Variants in ABCA13 observed in about 807,000 individuals in gnomAD.
The protein encoded by ABCA13 is ATP-binding cassette sub-family A member 13.
In ABCA13, 476 loss-of-function variants were observed where a neutral mutation model predicts 478.7. The ratio of observed to expected loss-of-function variants is 0.99; its 90% CI spans 0.92 to 1.07. The LOEUF is 1.07. ABCA13 is among the 50% of genes least tolerant of loss of function. The probability of loss-of-function intolerance (pLI) is 0.00; values close to 1 mark genes in which losing one functional copy is unlikely to be tolerated. For synonymous variants in ABCA13, 2,252 were observed against 2,158.9 expected, an observed-to-expected ratio of 1.04 and a Z score of -1.20; for missense variants, 6,060 against 5,910.6, an observed-to-expected ratio of 1.03 and a Z score of -0.83.
intron 59 of ABCA13, among the ~76,000 whole-genome samples, chr7:48,616,231 G>A (rs1355000437): frequency 6.6e-6 from 1 of 152,140 alleles, no homozygotes; most frequent in Non-Finnish European, 1.5e-5. Flanking sequence ...CTGATGCTCA[G>A]GATTGAGATG....
intron 19 of ABCA13, among the ~76,000 whole-genome samples, chr7:48,284,470 C>T (rs1316047584): frequency 2.6e-5 from 4 of 152,144 alleles, no homozygotes; most frequent in African/African-American, 9.7e-5. Flanking sequence ...ATGATTTCAG[C>T]ATTTGGAAGT....
intron 29 of ABCA13, among the ~76,000 whole-genome samples, chr7:48,349,146 G>A (rs1409197886): frequency 6.6e-6 from 1 of 152,214 alleles, no homozygotes. Context: ...GCACAAGACT[G>A]ACACTCATAC....
rs745930529 is a variant in ABCA13, at chr7:48,298,806, G to A, written c.9321+319G>A. 4.6e-5 allele frequency among the ~76,000 whole-genome samples: 7 copies of A among 152,260 alleles called. No individual in the cohort carries two copies. In the East Asian group the frequency reaches 1.2e-3, roughly 25 times the overall value. On this transcript the variant is annotated intron_variant, in intron 23 of 61. Transcript: ENST00000435803. ...ATGCATGACACCTGGGAAGGGTCTC[G>A]GCTTGATTCAGCAGGTGTTGCAAAA... is the stretch of plus-strand genomic sequence containing the variant.
At chr7:48,192,870 G>C in intron 1 of ABCA13, 89 bp from the exon 2 acceptor site, 2 of 978,624 alleles carry the variant, frequency 2.0e-6, no homozygotes, top group Admixed American at 5.4e-5. Flanking sequence ...ACACACAGCA[G>C]GGATTAAAAT....
At position 48,392,015 on chromosome 7, in the gene ABCA13, C is replaced by G. The variant is rs777198809; in HGVS notation, c.11749C>G (p.Leu3917Val). The G allele has an allele frequency of 1.1e-5, 17 of 1,613,896 alleles. No individual in the cohort carries two copies. Among genetic ancestry groups the G allele is most frequent in the Middle Eastern group, 1.6e-4 (1 of 6,084 alleles). Residue 3917 changes from leucine to valine, a missense_variant, in exon 38 of 62, where the codon CTT (leucine) becomes GTT (valine). Leu to Val is a conservative substitution (Grantham distance 32). Coordinates refer to ENST00000435803, the MANE Select transcript of ABCA13 (RefSeq NM_152701.5). ...QTDLSRVRME[L>V]GVCPQQDILL... ...AGACCTGTCGAGGGTCAGAATGGAG[C>G]TTGGTGTGTGTCCGCAGCAGGACAT...
chr7:48,415,641 G>C (rs1238315918), intron 41 of ABCA13, among the ~76,000 whole-genome samples: 1 of 152,168 alleles, frequency 6.6e-6, no homozygotes, highest in Non-Finnish European at 1.5e-5. Context: ...GTTAACAAAA[G>C]AGAAATCCTT....
At chr7:48,258,370 T>G (rs1793699480) in intron 15 of ABCA13, among the ~76,000 whole-genome samples, 1 of 152,200 alleles carries the variant, frequency 6.6e-6, no homozygotes, top group East Asian at 1.9e-4. Flanking sequence ...TTTGTCTGCA[T>G]AGAGGTGTTT....
chr7:48,245,475 C>A, intron 11 of ABCA13, 37 bp from the exon 12 acceptor site: 1 of 1,540,692 alleles, frequency 6.5e-7, no homozygotes, highest in South Asian at 1.2e-5. Context: ...AGCTTACTTA[C>A]CTTAGGTGAA....
chr7:48,628,274 T>C (rs1793851816), intron 59 of ABCA13, among the ~76,000 whole-genome samples: 3 of 152,178 alleles, frequency 2.0e-5, no homozygotes, highest in African/African-American at 7.2e-5. Context: ...TTTTCCAGCT[T>C]TCCCTACAGC....
Position 48,607,039 on chromosome 7 carries a change from A to T in ABCA13, c.14745-8246A>T, listed in dbSNP as rs904591351. ...ACCGCGTACTGAAGCCTCAGCAAGG[A>T]CGGATGCCCCTCTCCCAACCAAGCT... On this transcript the variant is annotated intron_variant, in intron 58 of 61. Coordinates refer to ENST00000435803, the MANE Select transcript of ABCA13 (RefSeq NM_152701.5). 2.0e-5 allele frequency among the ~76,000 whole-genome samples: 3 copies of T among 152,160 alleles called. No homozygotes were observed. In the East Asian group the frequency reaches 5.8e-4, roughly 29 times the overall value.
intron 27 of ABCA13, among the ~76,000 whole-genome samples, chr7:48,321,602 A>G (rs1563046958): frequency 6.6e-6 from 1 of 152,198 alleles, no homozygotes; most frequent in Non-Finnish European, 1.5e-5. Flanking sequence ...CATGGAGTAG[A>G]AGGGAGCCAG....
intron 29 of ABCA13, among the ~76,000 whole-genome samples, chr7:48,345,110 C>T (rs1297005988): frequency 6.6e-6 from 1 of 152,192 alleles, no homozygotes; most frequent in Admixed American, 6.5e-5. Context: ...TAGCTGTCAG[C>T]ACATTGTAGA....
At chr7:48,193,772 TA>T (rs1797448634) in intron 2 of ABCA13, among the ~76,000 whole-genome samples, 1 of 144,768 alleles carries the variant, frequency 6.9e-6, no homozygotes, top group Admixed American at 6.9e-5. Context: ...ATCTTCATGA[TA>T]ATAAAGATGA....
At chr7:48,289,934 A>G (rs1463799427) in intron 20 of ABCA13, among the ~76,000 whole-genome samples, 1 of 152,216 alleles carries the variant, frequency 6.6e-6, no homozygotes, top group Non-Finnish European at 1.5e-5. Flanking sequence ...ACTTTTAGAA[A>G]TACAAATCTT....
chr7:48,412,667 GGGAGATGTGGGTAAGGGGGA>G, intron 41 of ABCA13, 84 bp downstream of exon 41: 1 of 1,120,428 alleles, frequency 8.9e-7, no homozygotes, highest in Admixed American at 2.6e-5. Flanking sequence ...GGTAAAGGGG[GGGAGATGTGGGTAAGGGGGA>G]GGAGTGTGCA....
intron 31 of ABCA13, among the ~76,000 whole-genome samples, chr7:48,363,204 T>C (rs1811161416): frequency 6.6e-6 from 1 of 152,268 alleles, no homozygotes; most frequent in East Asian, 1.9e-4. Context: ...TAAAACTCTT[T>C]GTAGCATTTA....
At chr7:48,441,449 T>A (rs1823577013) in intron 42 of ABCA13, among the ~76,000 whole-genome samples, 1 of 152,212 alleles carries the variant, frequency 6.6e-6, no homozygotes, top group Non-Finnish European at 1.5e-5. Context: ...CAGAAATAGT[T>A]TTTTAAGGGA....
At position 48,309,986 on chromosome 7, in the gene ABCA13, T is replaced by G. The variant is rs201830095; in HGVS notation, c.9361T>G (p.Cys3121Gly). The change falls in exon 24 of 62, where the codon TGT becomes GGT. Residue 3121 changes from cysteine (C) to glycine (G), a missense_variant. By Grantham distance (159) the Cys-to-Gly change is radical (BLOSUM62 -3). This residue lies in a region of ABCA13 where 4,423 missense variants were observed against 4,309.1 expected (regional missense o/e 1.03). Transcript: ENST00000435803. Reference sequence around the variant, plus strand: ...CCTCACCGTAGCTCTGTCTGGAAAGTGTGATCAGGAAATCCTTCATCTCCT... The same window carrying G: ...CCTCACCGTAGCTCTGTCTGGAAAGGGTGATCAGGAAATCCTTCATCTCCT... ...SALTVALSGK[C>G]DQEILHLLLT... 3.0e-4 allele frequency: 484 copies of G among 1,613,858 alleles called. No individual in the cohort carries two copies. The highest frequency in any genetic ancestry group is 3.8e-4 in the Non-Finnish European group (448 of 1,179,796).
intron 58 of ABCA13, among the ~76,000 whole-genome samples, chr7:48,606,040 T>C (rs1191922644): frequency 1.3e-5 from 2 of 152,220 alleles, no homozygotes; most frequent in African/African-American, 4.8e-5. Flanking sequence ...CGAAGTTCTC[T>C]TGCTGTGTTT....
Sources: allele counts gnomAD v4.1 joint callset (sites outside exome capture counted in the v4.1 genomes callset), GRCh38; gene constraint gnomAD v4.1.1; regional missense constraint gnomAD v4.1.1; transcripts MANE v1.5; gene names NCBI Gene and HGNC (gene_info 2026-07-23, HGNC 2026-07-21).